The following ZMAT4 variants were observed in gnomAD, a reference collection of about 807,000 sequenced individuals.
The protein encoded by ZMAT4 is zinc finger matrin-type 4, also known as zinc finger matrin-type protein 4.
Under a neutral mutation model 28.7 loss-of-function variants are expected in ZMAT4, and 17 were observed. The ratio of observed to expected loss-of-function variants is 0.59; its 90% CI spans 0.41 to 0.89. ZMAT4 has a LOEUF of 0.89. Ranked by LOEUF, ZMAT4 falls within the 40% of genes least tolerant of loss-of-function variation. ZMAT4 has a pLI of 0.00. For synonymous variants in ZMAT4, 117 were observed against 109.2 expected (o/e 1.07, Z -0.44); for missense variants, 240 against 283.8 (o/e 0.85, Z 1.11).
chr8:40,666,652 C>CTA (rs1808426795), intron 5 of ZMAT4, among the ~76,000 whole-genome samples: 1 of 152,080 alleles, frequency 6.6e-6, no homozygotes, highest in Non-Finnish European at 1.5e-5. Context: ...ATTTCATTTT[C>CTA]TATATATCAG....
In ZMAT4 at chr8:40,745,403, A is replaced by G. The variant is rs28716726; in HGVS notation, c.192+22238T>C. Among the ~76,000 whole-genome samples the G allele has an allele frequency of 4.7e-3, 719 of 152,300 alleles. 2 individuals carry two copies. The highest frequency in any genetic ancestry group is 0.016 in the African/African-American group (685 of 41,562). On this transcript the variant is annotated intron_variant, in intron 3 of 6. Coordinates refer to ENST00000297737, the MANE Select transcript of ZMAT4 (RefSeq NM_024645.3). ...AGCAAGTAATTCAAGTAAAAGAGGC[A>G]GGTTCAGAACATCCTCCCCACACTC...
At chr8:40,744,589 C>T (rs1812141623) in intron 3 of ZMAT4, among the ~76,000 whole-genome samples, 1 of 152,148 alleles carries the variant, frequency 6.6e-6, no homozygotes, top group Admixed American at 6.5e-5. Context: ...TCACTGCAGC[C>T]TCCTGGAGCT....
intron 5 of ZMAT4, among the ~76,000 whole-genome samples, chr8:40,673,936 G>A (rs148635536): frequency 1.3e-5 from 2 of 152,216 alleles, no homozygotes; most frequent in African/African-American, 2.4e-5. Flanking sequence ...GCACTGTCTT[G>A]CCGTGATTTC....
intron 5 of ZMAT4, among the ~76,000 whole-genome samples, chr8:40,600,391 A>T (rs551553119): frequency 1.5e-3 from 228 of 152,298 alleles, no homozygotes; most frequent in African/African-American, 5.1e-3. Context: ...CTACCAAGAT[A>T]AAAATGGGCA....
chr8:40,810,870 A>G (rs567295563), intron 2 of ZMAT4, among the ~76,000 whole-genome samples: 289 of 152,334 alleles, frequency 1.9e-3, no homozygotes, highest in Admixed American at 3.2e-3. Context: ...GGCAAACGAT[A>G]CGAATAGAAA....
intron 5 of ZMAT4, among the ~76,000 whole-genome samples, chr8:40,615,054 T>C (rs888136413): frequency 1.2e-4 from 19 of 152,228 alleles, no homozygotes; most frequent in South Asian, 1.2e-3. Context: ...GTTTTTGCAG[T>C]GGCTGGTACC....
At chr8:40,629,661 G>A (rs1176904605) in intron 5 of ZMAT4, among the ~76,000 whole-genome samples, 1 of 150,598 alleles carries the variant, frequency 6.6e-6, no homozygotes, top group Admixed American at 6.7e-5. Flanking sequence ...GCGGTGTTTG[G>A]TTTTTTGTCC....
intron 5 of ZMAT4, among the ~76,000 whole-genome samples, chr8:40,613,919 C>T (rs1805898311): frequency 1.3e-5 from 2 of 152,196 alleles, no homozygotes; most frequent in Admixed American, 6.5e-5. Context: ...ATCATAAGGG[C>T]TGAGATAAGC....
At chr8:40,705,008 C>T (rs1810294362) in intron 3 of ZMAT4, among the ~76,000 whole-genome samples, 4 of 152,126 alleles carry the variant, frequency 2.6e-5, no homozygotes, top group Admixed American at 2.6e-4. Context: ...AGATATATGC[C>T]CTGCTGTTTG....
chr8:40,697,488 T>C (rs1269849958), intron 3 of ZMAT4, 87 bp from the exon 4 acceptor site: 7 of 1,277,452 alleles, frequency 5.5e-6, no homozygotes, highest in Non-Finnish European at 7.1e-6. Flanking sequence ...ACTAGTGTAT[T>C]GAAATATCTA....
chr8:40,860,078 C>G (rs1817435404), intron 1 of ZMAT4, among the ~76,000 whole-genome samples: 1 of 152,188 alleles, frequency 6.6e-6, no homozygotes. Context: ...TGGAGCAAGA[C>G]ATAGATCTTT....
At chr8:40,548,932 C>T (rs1035305023) in intron 6 of ZMAT4, among the ~76,000 whole-genome samples, 1 of 152,114 alleles carries the variant, frequency 6.6e-6, no homozygotes, top group African/African-American at 2.4e-5. Context: ...AGCAAGCTAA[C>T]CAATACCATT....
intron 1 of ZMAT4, among the ~76,000 whole-genome samples, chr8:40,839,819 G>C (rs1316147689): frequency 2.0e-5 from 3 of 152,134 alleles, no homozygotes; most frequent in African/African-American, 7.2e-5. Flanking sequence ...AGAGTGAGGG[G>C]GTGGATGATG....
At chr8:40,621,254 A>G (rs1806187701) in intron 5 of ZMAT4, among the ~76,000 whole-genome samples, 1 of 152,212 alleles carries the variant, frequency 6.6e-6, no homozygotes, top group South Asian at 2.1e-4. Context: ...CCACCTGTCC[A>G]GGAAAACTCA....
intron 5 of ZMAT4, among the ~76,000 whole-genome samples, chr8:40,652,928 C>T (rs1206971743): frequency 8.8e-6 from 1 of 113,640 alleles, no homozygotes; most frequent in Non-Finnish European, 1.7e-5. Context: ...CTCTGGGGAC[C>T]GTTGTGGGGT....
chr8:40,704,740 T>C (rs1455716783), intron 3 of ZMAT4, among the ~76,000 whole-genome samples: 1 of 152,248 alleles, frequency 6.6e-6, no homozygotes, highest in South Asian at 2.1e-4. Flanking sequence ...ATTTCTAATT[T>C]GGTCACTTAA....
chr8:40,681,078 A>T (rs942934334), intron 4 of ZMAT4, among the ~76,000 whole-genome samples: 2 of 152,158 alleles, frequency 1.3e-5, no homozygotes, highest in African/African-American at 4.8e-5. Flanking sequence ...TGTCTGGTCA[A>T]TAAGGCAGCT....
chr8:40,841,668 A>G (rs1258478882), intron 1 of ZMAT4, among the ~76,000 whole-genome samples: 1 of 152,222 alleles, frequency 6.6e-6, no homozygotes, highest in Non-Finnish European at 1.5e-5. Flanking sequence ...GGCAAAAAGT[A>G]TCTCTCTTCT....
intron 2 of ZMAT4, among the ~76,000 whole-genome samples, chr8:40,787,338 T>C (rs895571583): frequency 1.3e-5 from 2 of 152,254 alleles, no homozygotes; most frequent in African/African-American, 4.8e-5. Flanking sequence ...GAACATGTTC[T>C]GTCCATGTCA....
Sources: allele counts gnomAD v4.1 joint callset (sites outside exome capture counted in the v4.1 genomes callset), GRCh38; gene constraint gnomAD v4.1.1; transcripts MANE v1.5; gene names NCBI Gene and HGNC (gene_info 2026-07-23, HGNC 2026-07-21).